Variants in WDPCP observed in about 807,000 individuals in gnomAD.
WDPCP encodes the protein WD repeat-containing and planar cell polarity effector protein fritz homolog.
Under a neutral mutation model 93.1 loss-of-function variants are expected in WDPCP, and 71 were observed. The ratio of observed to expected loss-of-function variants is 0.76; its 90% CI spans 0.63 to 0.93. The LOEUF is 0.93. WDPCP is among the 40% of genes least tolerant of loss of function. The pLI is 0.00. For synonymous variants in WDPCP, 315 were observed against 315.0 expected (o/e 1.00, Z 0.00); for missense variants, 844 against 887.4 (o/e 0.95, Z 0.62).
intron 4 of WDPCP, among the ~76,000 whole-genome samples, chr2:63,485,400 A>G (rs1485255464): frequency 2.6e-5 from 4 of 151,836 alleles, no homozygotes; most frequent in Non-Finnish European, 5.9e-5. Context: ...AATGAATATA[A>G]TGAGCAAAGA....
intron 12 of WDPCP, among the ~76,000 whole-genome samples, chr2:63,370,107 T>A (rs1273988305): frequency 6.6e-6 from 1 of 152,138 alleles, no homozygotes; most frequent in Non-Finnish European, 1.5e-5. Context: ...TCAATTTTGT[T>A]TGGTATCTTA....
At chr2:63,698,482 G>C (rs1317627920) in intron 2 of WDPCP, among the ~76,000 whole-genome samples, 1 of 152,166 alleles carries the variant, frequency 6.6e-6, no homozygotes, top group Non-Finnish European at 1.5e-5. Flanking sequence ...GCAGATGTTA[G>C]AATGTTGAAG....
chr2:63,688,916 G>T (rs1668851432), intron 2 of WDPCP, among the ~76,000 whole-genome samples: 1 of 152,168 alleles, frequency 6.6e-6, no homozygotes, highest in African/African-American at 2.4e-5. Flanking sequence ...GAGTGGATCA[G>T]CTATCTCAGG....
chr2:63,804,730 T>C (rs1357834406), intron 2 of WDPCP, among the ~76,000 whole-genome samples: 1 of 151,784 alleles, frequency 6.6e-6, no homozygotes, highest in Non-Finnish European at 1.5e-5. Context: ...AGATTTGTCA[T>C]ATAAAGCGTC....
chr2:63,393,148 G>A (rs192300241), intron 10 of WDPCP, among the ~76,000 whole-genome samples: 2 of 152,244 alleles, frequency 1.3e-5, no homozygotes, highest in East Asian at 1.9e-4. Context: ...ATGTCCATCA[G>A]TGATAGACTG....
intron 15 of WDPCP, among the ~76,000 whole-genome samples, chr2:63,169,995 C>T (rs146401681): frequency 3.3e-5 from 5 of 151,328 alleles, no homozygotes; most frequent in East Asian, 2.0e-4. Context: ...GGGCCCCAAG[C>T]GATCCTCCTA....
intron 2 of WDPCP, among the ~76,000 whole-genome samples, chr2:63,807,705 A>G (rs1670790159): frequency 6.6e-6 from 1 of 152,236 alleles, no homozygotes; most frequent in Non-Finnish European, 1.5e-5. Context: ...TCCTCTTTCA[A>G]AATCTTATCA....
chr2:63,801,314 G>A (rs1396723413), intron 2 of WDPCP, among the ~76,000 whole-genome samples: 1 of 152,192 alleles, frequency 6.6e-6, no homozygotes, highest in African/African-American at 2.4e-5. Context: ...GTCTCATGAT[G>A]TGTCTGGAGT....
chr2:63,226,480 ATG>A (rs1678300593), intron 14 of WDPCP, among the ~76,000 whole-genome samples: 1 of 151,862 alleles, frequency 6.6e-6, no homozygotes, highest in South Asian at 2.1e-4. Context: ...CATCTTTGTG[ATG>A]TGTCACACCC....
chr2:63,552,273 C>G (rs1705734235), intron 1 of WDPCP, among the ~76,000 whole-genome samples: 1 of 151,038 alleles, frequency 6.6e-6, no homozygotes, highest in Non-Finnish European at 1.5e-5. Context: ...TCTATTCTTT[C>G]TCTTTTATGT....
At position 63,370,502 on chromosome 2, in the gene WDPCP, GATGTTAAA is replaced by G. The variant is rs568356502; in HGVS notation, c.1748+7876_1748+7883del. Among the ~76,000 whole-genome samples the G allele has an allele frequency of 1.9e-4, 29 of 152,072 alleles. 1 individual carries two copies. In the South Asian group the frequency reaches 4.4e-3, roughly 23 times the overall value. Reference sequence around the variant, plus strand: ...ATCAAACTTCTTAGAATTTTTTAAAGATGTTAAAATTTCATGTATTCAATGATTACAAC... The same window carrying G: ...ATCAAACTTCTTAGAATTTTTTAAAGATTTCATGTATTCAATGATTACAAC... On this transcript the variant is annotated intron_variant, in intron 12 of 17. Transcript: ENST00000272321.
chr2:63,572,557 GC>G (rs1256463058), intron 1 of WDPCP, among the ~76,000 whole-genome samples: 1 of 151,468 alleles, frequency 6.6e-6, no homozygotes, highest in Non-Finnish European at 1.5e-5. Context: ...ACAAAAATTA[GC>G]CAGGCATGGT....
chr2:63,523,558 T>C (rs768129428), intron 1 of WDPCP, among the ~76,000 whole-genome samples: 3 of 152,200 alleles, frequency 2.0e-5, no homozygotes, highest in African/African-American at 7.2e-5. Context: ...GAAAACTCCA[T>C]GGTCCCTGCC....
intron 10 of WDPCP, among the ~76,000 whole-genome samples, chr2:63,387,935 C>A (rs927849641): frequency 6.6e-6 from 1 of 151,962 alleles, no homozygotes; most frequent in Admixed American, 6.6e-5. Flanking sequence ...AAGATCTCTA[C>A]AACAGGAATT....
intron 1 of WDPCP, among the ~76,000 whole-genome samples, chr2:63,550,967 A>G (rs1361094454): frequency 6.6e-6 from 1 of 152,034 alleles, no homozygotes; most frequent in Non-Finnish European, 1.5e-5. Flanking sequence ...CAATACTATC[A>G]TTCATTCAAT....
intron 15 of WDPCP, among the ~76,000 whole-genome samples, chr2:63,167,168 G>A (rs115911919): frequency 4.2e-3 from 646 of 152,130 alleles, no homozygotes; most frequent in Middle Eastern, 0.014. Context: ...GACTGTTTTC[G>A]TGCTACAACA....
At chr2:63,490,184 C>G (rs1449748931) in intron 2 of WDPCP, among the ~76,000 whole-genome samples, 2 of 150,248 alleles carry the variant, frequency 1.3e-5, no homozygotes, top group Non-Finnish European at 3.0e-5. Flanking sequence ...CAATATGTTA[C>G]TGTGAACAAA....
At chr2:63,799,803 T>C (rs1051065892) in intron 2 of WDPCP, among the ~76,000 whole-genome samples, 3 of 152,118 alleles carry the variant, frequency 2.0e-5, no homozygotes, top group African/African-American at 7.2e-5. Flanking sequence ...TCAGAGAGTG[T>C]TGGTCAGTAA....
intron 12 of WDPCP, among the ~76,000 whole-genome samples, chr2:63,322,428 G>T (rs1348317445): frequency 2.0e-5 from 3 of 152,040 alleles, no homozygotes; most frequent in African/African-American, 7.2e-5. Context: ...TCACTCTTTG[G>T]GTCCATGCTG....
Sources: allele counts gnomAD v4.1 joint callset (sites outside exome capture counted in the v4.1 genomes callset), GRCh38; gene constraint gnomAD v4.1.1; transcripts MANE v1.5; gene names NCBI Gene and HGNC (gene_info 2026-07-23, HGNC 2026-07-21).